EEIG1: variants seen among roughly 807,000 people sequenced by gnomAD.
The protein encoded by EEIG1 is estrogen-induced osteoclastogenesis regulator 1.
At chr9:127,980,389 C>CATGT in the EEIG1 span, 3 of 412,882 alleles carry the variant, frequency 7.3e-6, no homozygotes, top group East Asian at 1.4e-4. Flanking sequence ...ACCTCACCGG[C>CATGT]ATGTAAACAG....
chr9:127,955,449 C>A, the EEIG1 span, among the ~76,000 whole-genome samples: 1 of 152,244 alleles, frequency 6.6e-6, no homozygotes, highest in African/African-American at 2.4e-5. Context: ...GGCTCAGGAG[C>A]CCGGGAAAGC....
the EEIG1 span, among the ~76,000 whole-genome samples, chr9:127,947,361 G>T: frequency 6.6e-6 from 1 of 152,000 alleles, no homozygotes; most frequent in African/African-American, 2.4e-5. Context: ...GCTTGAACCT[G>T]GGAGGCAGAG....
chr9:127,960,670 G>A, the EEIG1 span, among the ~76,000 whole-genome samples: 1 of 152,140 alleles, frequency 6.6e-6, no homozygotes, highest in Non-Finnish European at 1.5e-5. Flanking sequence ...ATTAGTGTCT[G>A]GGAACAAAAG....
At chr9:127,943,139 A>G in the EEIG1 span, 1 of 1,557,482 alleles carries the variant, frequency 6.4e-7, no homozygotes, top group South Asian at 1.1e-5. Flanking sequence ...GGAATGATAC[A>G]GGTCTGGACT....
chr9:127,960,828 C>T, the EEIG1 span, among the ~76,000 whole-genome samples: 1 of 152,104 alleles, frequency 6.6e-6, no homozygotes, highest in Admixed American at 6.5e-5. Flanking sequence ...CAGGCACATT[C>T]CCCCCTCCAC....
the EEIG1 span, among the ~76,000 whole-genome samples, chr9:127,962,498 G>A: frequency 6.6e-6 from 1 of 152,110 alleles, no homozygotes; most frequent in South Asian, 2.1e-4. Context: ...CCAGCACTAT[G>A]AGACCCTGGA....
chr9:127,963,630 C>T, the EEIG1 span: 2 of 152,412 alleles, frequency 1.3e-5, no homozygotes, highest in South Asian at 4.1e-4. Context: ...TCTCCAGGAG[C>T]TCTCCCAGCC....
At chr9:127,976,999 G>C in the EEIG1 span, among the ~76,000 whole-genome samples, 2 of 152,070 alleles carry the variant, frequency 1.3e-5, no homozygotes, top group Non-Finnish European at 2.9e-5. The surrounding 1 kb of genome is among the most constrained non-coding windows in gnomAD (Gnocchi z 4.1). Context: ...GTCCAGGGTG[G>C]GTGGGGTACG....
chr9:127,957,632 G>A, the EEIG1 span, among the ~76,000 whole-genome samples: 1 of 152,176 alleles, frequency 6.6e-6, no homozygotes, highest in African/African-American at 2.4e-5. Flanking sequence ...AAATCCAAGG[G>A]ACCAGAATAG....
the EEIG1 span, among the ~76,000 whole-genome samples, chr9:127,948,942 G>C: frequency 6.6e-6 from 1 of 152,206 alleles, no homozygotes; most frequent in Non-Finnish European, 1.5e-5. Flanking sequence ...AGGCTGAGAT[G>C]GAGTGACAGG....
the EEIG1 span, among the ~76,000 whole-genome samples, chr9:127,977,870 G>C: frequency 6.6e-6 from 1 of 152,196 alleles, no homozygotes; most frequent in African/African-American, 2.4e-5. Flanking sequence ...CACAGTCCAG[G>C]GGTTAAGTGA....
chr9:127,968,461 C>A, the EEIG1 span, among the ~76,000 whole-genome samples: 1 of 152,164 alleles, frequency 6.6e-6, no homozygotes, highest in Non-Finnish European at 1.5e-5. Context: ...TTGCTCACTG[C>A]TGCTTCCCCT....
At chr9:127,963,016 C>G in the EEIG1 span, among the ~76,000 whole-genome samples, 2 of 152,202 alleles carry the variant, frequency 1.3e-5, no homozygotes, top group African/African-American at 4.8e-5. Flanking sequence ...AACCCAGAAT[C>G]CTGGACTTCA....
the EEIG1 span, chr9:127,943,316 G>A: frequency 2.1e-6 from 3 of 1,413,548 alleles, no homozygotes; most frequent in Non-Finnish European, 2.0e-6. Context: ...GCCTCTGGAG[G>A]TGTTTCACAA....
At chr9:127,977,558 C>A in the EEIG1 span, among the ~76,000 whole-genome samples, 1 of 152,212 alleles carries the variant, frequency 6.6e-6, no homozygotes, top group African/African-American at 2.4e-5. Flanking sequence ...CCCCACCCCA[C>A]CGCCCACCAA....
the EEIG1 span, chr9:127,945,903 CT>C: frequency 8.4e-5 from 53 of 629,920 alleles, no homozygotes; most frequent in Admixed American, 2.6e-5. The surrounding 1 kb of genome is among the most constrained non-coding windows in gnomAD (Gnocchi z 6.5). Context: ...AGCAACCAGC[CT>C]GAGCCATAGG....
At chr9:127,954,375 T>G in the EEIG1 span, among the ~76,000 whole-genome samples, 1 of 152,300 alleles carries the variant, frequency 6.6e-6, no homozygotes, top group African/African-American at 2.4e-5. Context: ...AGACCGAGGC[T>G]AGGCAAGCTG....
the EEIG1 span, among the ~76,000 whole-genome samples, chr9:127,968,207 G>A: frequency 6.6e-6 from 1 of 152,034 alleles, no homozygotes; most frequent in Non-Finnish European, 1.5e-5. Flanking sequence ...CTCATGCCTG[G>A]GTGGTGGTTG....
At chr9:127,980,255 T>C in the EEIG1 span, 38 of 1,188,110 alleles carry the variant, frequency 3.2e-5, no homozygotes, top group Non-Finnish European at 4.4e-5. Flanking sequence ...GCCCTGATGG[T>C]GGCGGAGACG....
Sources: gnomAD v4.1 joint callset for allele counts (sites outside exome capture counted in the v4.1 genomes callset) on GRCh38, gnomAD v4.1.1 for gene constraint, Gnocchi (gnomAD v3.1) non-coding constraint, MANE v1.5 for transcripts, NCBI Gene and HGNC (gene_info 2026-07-23, HGNC 2026-07-21) for gene names.